The following PPFIBP1 variants were observed in gnomAD, a reference collection of about 807,000 sequenced individuals.
PPFIBP1 encodes liprin-beta-1.
PPFIBP1 carries 112 observed loss-of-function variants against 137.8 expected under a neutral mutation model. The observed-to-expected ratio is 0.81, with a 90% CI of 0.70 to 0.95. The LOEUF (loss-of-function observed/expected upper bound fraction) is 0.95. PPFIBP1 is among the 40% of genes least tolerant of loss of function. The pLI, the probability that PPFIBP1 is intolerant of heterozygous loss-of-function variation, is 0.00. For missense variants in PPFIBP1, 1,083 were observed against 1,196.6 expected (o/e 0.91, Z 1.40); for synonymous variants, 378 against 417.3 (o/e 0.91, Z 1.15).
At chr12:27,625,125 G>A (rs1472704561) in intron 2 of PPFIBP1, among the ~76,000 whole-genome samples, 2 of 151,956 alleles carry the variant, frequency 1.3e-5, no homozygotes, top group Admixed American at 1.3e-4. Flanking sequence ...AGCCAGGTGT[G>A]GTAGTCCCAG....
At chr12:27,564,012 A>T (rs1159536224) in intron 1 of PPFIBP1, among the ~76,000 whole-genome samples, 2 of 151,928 alleles carry the variant, frequency 1.3e-5, no homozygotes, top group Non-Finnish European at 2.9e-5. Flanking sequence ...AGCTGGGACT[A>T]CAGGTGCGTG....
chr12:27,650,267 C>T, intron 7 of PPFIBP1, 126 bp downstream of exon 7: 1 of 647,710 alleles, frequency 1.5e-6, no homozygotes. Context: ...CAGTTAATTA[C>T]TACGTACCAT....
chr12:27,603,849 C>T (rs1020285762), intron 2 of PPFIBP1, among the ~76,000 whole-genome samples: 1 of 152,158 alleles, frequency 6.6e-6, no homozygotes, highest in African/African-American at 2.4e-5. Flanking sequence ...CTTCTTTTGG[C>T]ACCATTCTAA....
intron 1 of PPFIBP1, among the ~76,000 whole-genome samples, chr12:27,551,368 T>G (rs1277124205): frequency 1.3e-5 from 2 of 152,202 alleles, no homozygotes; most frequent in East Asian, 3.8e-4. Flanking sequence ...CCTATGTTAC[T>G]GACCTCCACT....
intron 1 of PPFIBP1, among the ~76,000 whole-genome samples, chr12:27,535,314 A>T (rs894436673): frequency 2.6e-5 from 4 of 152,234 alleles, no homozygotes; most frequent in African/African-American, 9.7e-5. Flanking sequence ...CATGAATTCA[A>T]TTTAAAAATT....
intron 1 of PPFIBP1, among the ~76,000 whole-genome samples, chr12:27,535,948 C>T (rs1944951146): frequency 6.6e-6 from 1 of 152,144 alleles, no homozygotes; most frequent in East Asian, 1.9e-4. Context: ...TTTGTGCCGT[C>T]ATTTTCAGCA....
intron 1 of PPFIBP1, among the ~76,000 whole-genome samples, chr12:27,550,993 T>TATATA (rs1565751277): frequency 0.27 from 25,256 of 93,274 alleles, 2,573 homozygotes; most frequent in East Asian, 0.54. Flanking sequence ...ATATATATAT[T>TATATA]TTTTTTTTTT....
At chr12:27,593,936 CAG>C in intron 2 of PPFIBP1, 2 of 1,485,062 alleles carry the variant, frequency 1.3e-6, no homozygotes, top group Non-Finnish European at 1.8e-6. Context: ...TGTGTCCTCA[CAG>C]GGGGTGTCCT....
chr12:27,644,244 G>GTT (rs3842650), intron 4 of PPFIBP1, among the ~76,000 whole-genome samples: 9,423 of 116,528 alleles, frequency 0.081, 673 homozygotes, highest in East Asian at 0.11. Flanking sequence ...GCTTGGCTAA[G>GTT]TTTTTTTTTT....
At chr12:27,676,050 G>A (rs1320592497) in intron 17 of PPFIBP1, among the ~76,000 whole-genome samples, 4 of 152,140 alleles carry the variant, frequency 2.6e-5, no homozygotes, top group Non-Finnish European at 5.9e-5. Context: ...CTAAATCCGT[G>A]ACATAATTGT....
intron 18 of PPFIBP1, 54 bp downstream of exon 18, chr12:27,676,653 C>G: frequency 7.4e-7 from 1 of 1,357,928 alleles, no homozygotes; most frequent in Non-Finnish European, 1.0e-6. Flanking sequence ...AGGAAAAGAG[C>G]AGTGTCTTCC....
At chr12:27,590,632 G>T (rs1211702306) in intron 2 of PPFIBP1, among the ~76,000 whole-genome samples, 3 of 152,138 alleles carry the variant, frequency 2.0e-5, no homozygotes, top group Non-Finnish European at 2.9e-5. Context: ...CTAAAGGAGG[G>T]TCATGATCCC....
intron 13 of PPFIBP1, among the ~76,000 whole-genome samples, chr12:27,667,858 G>A (rs2059955611): frequency 6.6e-6 from 1 of 152,082 alleles, no homozygotes; most frequent in Non-Finnish European, 1.5e-5. Flanking sequence ...TGACCGCTTG[G>A]CTTCCTCACA....
intron 22 of PPFIBP1, 119 bp downstream of exon 22, chr12:27,681,815 A>G: frequency 2.5e-6 from 3 of 1,199,240 alleles, no homozygotes; most frequent in Non-Finnish European, 3.4e-6. Flanking sequence ...TCTGTAAACA[A>G]AAGTTTGGGT....
intron 2 of PPFIBP1, among the ~76,000 whole-genome samples, chr12:27,601,480 G>A (rs1295194570): frequency 6.6e-6 from 1 of 152,184 alleles, no homozygotes; most frequent in African/African-American, 2.4e-5. Context: ...GTGTACACAA[G>A]GTTAAACTGC....
intron 10 of PPFIBP1, among the ~76,000 whole-genome samples, 181 bp downstream of exon 10, chr12:27,659,029 G>T (rs571032560): frequency 9.2e-5 from 14 of 152,308 alleles, no homozygotes; most frequent in Non-Finnish European, 1.5e-4. Flanking sequence ...TAAGGTAAAA[G>T]ATTATTTTGA....
chr12:27,528,769 C>T (rs1038484878), intron 1 of PPFIBP1, among the ~76,000 whole-genome samples: 1 of 152,060 alleles, frequency 6.6e-6, no homozygotes, highest in Non-Finnish European at 1.5e-5. Context: ...TAAGTTTACG[C>T]ACTTTTTAGG....
intron 10 of PPFIBP1, 51 bp downstream of exon 10, chr12:27,658,899 C>T (rs772442386): frequency 2.0e-6 from 3 of 1,530,660 alleles, no homozygotes; most frequent in Middle Eastern, 1.7e-4. Flanking sequence ...AAAATACTAC[C>T]TTGGACTGTT....
chr12:27,577,230 A>G (rs1337390550), intron 1 of PPFIBP1, among the ~76,000 whole-genome samples: 3 of 151,596 alleles, frequency 2.0e-5, no homozygotes, highest in African/African-American at 7.3e-5. Context: ...TTTTTTTAAT[A>G]AAAAATGTCC....
Sources: gnomAD v4.1 joint callset for allele counts (sites outside exome capture counted in the v4.1 genomes callset) on GRCh38, gnomAD v4.1.1 for gene constraint, MANE v1.5 for transcripts, NCBI Gene and HGNC (gene_info 2026-07-23, HGNC 2026-07-21) for gene names.